RAD51B: variants seen among roughly 807,000 people sequenced by gnomAD.
The protein encoded by RAD51B is RAD51 paralog B.
A neutral mutation model predicts 42.2 loss-of-function variants in RAD51B; 38 were observed. That is an observed-to-expected ratio of 0.90 (90% CI 0.70 to 1.18). The LOEUF (loss-of-function observed/expected upper bound fraction) is 1.18. Ranked by LOEUF, RAD51B falls within the 50% of genes most tolerant of loss-of-function variation. The pLI is 0.00. For missense variants in RAD51B, 373 were observed against 400.7 expected, an observed-to-expected ratio of 0.93 and a Z score of 0.59; for synonymous variants, 154 against 145.2, an observed-to-expected ratio of 1.06 and a Z score of -0.43.
chr14:68,552,061 G>T (rs927641762), intron 10 of RAD51B, among the ~76,000 whole-genome samples: 1 of 151,886 alleles, frequency 6.6e-6, no homozygotes, highest in Non-Finnish European at 1.5e-5. Flanking sequence ...GTGTTTGTTT[G>T]TTTCTTTAAT....
chr14:68,326,128 C>T (rs2082248189), intron 8 of RAD51B, among the ~76,000 whole-genome samples: 1 of 149,594 alleles, frequency 6.7e-6, no homozygotes, highest in South Asian at 2.1e-4. Context: ...GCAACCTTCG[C>T]CTCCCAGGTT....
At chr14:68,336,188 A>C (rs544037082) in intron 8 of RAD51B, among the ~76,000 whole-genome samples, 2 of 152,328 alleles carry the variant, frequency 1.3e-5, no homozygotes, top group South Asian at 4.1e-4. Context: ...TTATTATTTC[A>C]TTTGGAGAAC....
At chr14:68,409,363 A>G (rs1235064008) in intron 8 of RAD51B, among the ~76,000 whole-genome samples, 1 of 152,216 alleles carries the variant, frequency 6.6e-6, no homozygotes, top group Non-Finnish European at 1.5e-5. Context: ...AGTGGGGGTG[A>G]AGAAGTTCTA....
intron 7 of RAD51B, among the ~76,000 whole-genome samples, chr14:68,078,954 C>T (rs533062048): frequency 2.0e-5 from 3 of 152,290 alleles, no homozygotes; most frequent in South Asian, 4.1e-4. Context: ...GGCACCACTG[C>T]ACTCCCGCCT....
intron 8 of RAD51B, among the ~76,000 whole-genome samples, chr14:68,298,152 G>A (rs1231858357): frequency 1.3e-5 from 2 of 150,884 alleles, no homozygotes; most frequent in African/African-American, 2.4e-5. Flanking sequence ...ACCAAAAAAT[G>A]TGTGGTATTC....
chr14:68,612,587 G>A (rs1334801608), downstream of RAD51B, among the ~76,000 whole-genome samples: 1 of 152,164 alleles, frequency 6.6e-6, no homozygotes, highest in African/African-American at 2.4e-5. Context: ...ACAGAAAGTA[G>A]AGTGGTGATT....
chr14:68,264,026 A>T (rs531570965), intron 7 of RAD51B, among the ~76,000 whole-genome samples: 1 of 152,386 alleles, frequency 6.6e-6, no homozygotes, highest in Admixed American at 6.5e-5. Flanking sequence ...ACAAAAGTGA[A>T]CTATGATCCC....
intron 8 of RAD51B, among the ~76,000 whole-genome samples, chr14:68,295,208 C>A (rs2081590369): frequency 6.6e-6 from 1 of 152,172 alleles, no homozygotes. Flanking sequence ...CTTCTCCCTT[C>A]TTTGGCTCTC....
intron 4 of RAD51B, among the ~76,000 whole-genome samples, chr14:67,851,134 T>TTTACATTCCTCTCA (rs2041791716): frequency 6.6e-6 from 1 of 152,070 alleles, no homozygotes; most frequent in Non-Finnish European, 1.5e-5. Flanking sequence ...GTTGGCTGGT[T>TTTACATTCCTCTCA]GCGTCGGTTC....
At chr14:68,493,266 T>A (rs1884224200) in intron 10 of RAD51B, among the ~76,000 whole-genome samples, 1 of 152,210 alleles carries the variant, frequency 6.6e-6, no homozygotes, top group Admixed American at 6.5e-5. Flanking sequence ...GTGCTCAAAA[T>A]CTCACTAGAA....
intron 8 of RAD51B, among the ~76,000 whole-genome samples, chr14:68,384,250 T>G (rs1397356244): frequency 6.6e-6 from 1 of 152,184 alleles, no homozygotes; most frequent in African/African-American, 2.4e-5. Flanking sequence ...AATCAGGGAT[T>G]TTTTTTAACC....
At chr14:68,294,788 A>T (rs1295371782) in intron 8 of RAD51B, among the ~76,000 whole-genome samples, 1 of 152,204 alleles carries the variant, frequency 6.6e-6, no homozygotes, top group African/African-American at 2.4e-5. Flanking sequence ...TCTTTAATAA[A>T]TCTTAGCACT....
intron 7 of RAD51B, among the ~76,000 whole-genome samples, chr14:68,075,103 T>C (rs1335852585): frequency 2.0e-5 from 3 of 152,122 alleles, no homozygotes; most frequent in African/African-American, 7.2e-5. Context: ...TTCTTGAGGC[T>C]CCACCCCAGA....
chr14:68,282,084 C>T (rs371756382), intron 7 of RAD51B, among the ~76,000 whole-genome samples: 8 of 151,934 alleles, frequency 5.3e-5, no homozygotes, highest in African/African-American at 9.7e-5. Flanking sequence ...TGGGTTCAAG[C>T]GATTCTCCTG....
intron 10 of RAD51B, among the ~76,000 whole-genome samples, chr14:68,522,690 T>C (rs1163480433): frequency 6.6e-6 from 1 of 152,208 alleles, no homozygotes; most frequent in Non-Finnish European, 1.5e-5. Flanking sequence ...TTTGAAGCTC[T>C]GGATAGAAGA....
intron 10 of RAD51B, among the ~76,000 whole-genome samples, chr14:68,634,756 A>G (rs368981116): frequency 6.6e-6 from 1 of 152,014 alleles, no homozygotes; most frequent in Non-Finnish European, 1.5e-5. Flanking sequence ...CAGGACCCCA[A>G]CTCCGTAGGC....
At chr14:67,945,614 G>A (rs2045363553) in intron 7 of RAD51B, among the ~76,000 whole-genome samples, 1 of 152,154 alleles carries the variant, frequency 6.6e-6, no homozygotes, top group East Asian at 1.9e-4. Flanking sequence ...GGGATTACAG[G>A]CACACGCCAC....
At chr14:67,975,020 G>A (rs1276687290) in intron 7 of RAD51B, among the ~76,000 whole-genome samples, 1 of 151,958 alleles carries the variant, frequency 6.6e-6, no homozygotes, top group Non-Finnish European at 1.5e-5. Context: ...TATCTGCTTT[G>A]CTGGCTTCAC....
At chr14:68,545,443 C>T in intron 10 of RAD51B, 1 of 382,532 alleles carries the variant, frequency 2.6e-6, no homozygotes, top group Non-Finnish European at 5.2e-6. Context: ...TGGCATGTTT[C>T]AGGCACCTGC....
Sources: allele counts gnomAD v4.1 joint callset (sites outside exome capture counted in the v4.1 genomes callset), GRCh38; gene constraint gnomAD v4.1.1; transcripts MANE v1.5; gene names NCBI Gene and HGNC (gene_info 2026-07-23, HGNC 2026-07-21).